LENG9: variants seen among roughly 807,000 people sequenced by gnomAD.
The protein encoded by LENG9 is leukocyte receptor cluster (LRC) member 9.
For missense variants in LENG9, 872 were observed against 652.7 expected (o/e 1.34, Z -3.66); for synonymous variants, 410 against 303.9 (o/e 1.35, Z -3.63).
Position 54,463,339 on chromosome 19 carries a change from G to T in LENG9, c.188C>A (p.Pro63Gln). Reference protein sequence around the residue: ...AQPEAGAKKPPLRTAADVIQR... With the variant: ...AQPEAGAKKPQLRTAADVIQR... Reference sequence around the variant, plus strand: ...GATGACGTCCGCGGCTGTGCGCAGCGGCGGCTTCTTGGCCCCGGCCTCCGG... The same window carrying T: ...GATGACGTCCGCGGCTGTGCGCAGCTGCGGCTTCTTGGCCCCGGCCTCCGG... The change falls in exon 1 of 1, where the codon CCG becomes CAG. Residue 63 changes from proline (P) to glutamine (Q), a missense_variant. Coordinates refer to ENST00000611161, the MANE Select transcript of LENG9 (RefSeq NM_001301782.2). The T allele has an allele frequency of 1.4e-6, 2 of 1,461,714 alleles. No homozygotes were observed. Among genetic ancestry groups the T allele is most frequent in the Non-Finnish European group, 9.0e-7 (1 of 1,109,708 alleles). The allele number at this position is 1,461,714 out of a possible 1,614,324, so 90.5% of individuals were successfully genotyped here. A position where few individuals can be genotyped will look rare whatever the true frequency, so the allele number is the denominator to read the frequency against.
chr19:54,462,988 G>A lies in LENG9; in HGVS notation c.539C>T (p.Thr180Ile), dbSNP rs1471850143. 5 of 1,603,798 alleles carry A rather than the reference G, an allele frequency of 3.1e-6. No homozygotes were observed. The highest frequency in any genetic ancestry group is 1.7e-5 in the Admixed American group (1 of 59,782). The change falls in exon 1 of 1, where the codon ACA (threonine) becomes ATA (isoleucine). Residue 180 changes from threonine to isoleucine, a missense_variant. By Grantham distance (89) the Thr-to-Ile change is moderately conservative. Coordinates refer to ENST00000611161, the MANE Select transcript of LENG9 (RefSeq NM_001301782.2). ...GGGGGCAGCCTGGGCCTCCTGACCTGTCCCCGCCAGTGTCCACTCGGCACC... is the reference window on the plus strand; with the variant it reads ...GGGGGCAGCCTGGGCCTCCTGACCTATCCCCGCCAGTGTCCACTCGGCACC... Reference protein sequence around the residue: ...AEGAEWTLAGTGQEAQAAPKR... With the variant: ...AEGAEWTLAGIGQEAQAAPKR...
chr19:54,462,369 A>G lies in LENG9; in HGVS notation c.1158T>C (p.His386=), dbSNP rs200250939. 44 of 1,612,414 alleles carry G rather than the reference A, an allele frequency of 2.7e-5. 1 individual carries two copies. The African/African-American group carries it at 3.2e-4, about 12-fold the overall frequency. Residue 386 remains histidine (H), a synonymous_variant, in exon 1 of 1, where the codon CAT becomes CAC. Coordinates refer to ENST00000611161, the MANE Select transcript of LENG9 (RefSeq NM_001301782.2). ...TGGGAGAGGGTGGGGCACACAGCAC[A>G]TGCGGGCCCAGGAGGACCAGCTTTC... is the stretch of plus-strand genomic sequence containing the variant. ...SFRKLVLLGP[H]VLCAPPSPTL...
Position 54,463,759 on chromosome 19 carries a change from G to C in LENG9, c.-233C>G. ...CCGGCTGCGCCCTCCCCCAGCGCCAGGAAAGCAAGCTGCGTAAAGGCTGCG... is the reference window on the plus strand; with the variant it reads ...CCGGCTGCGCCCTCCCCCAGCGCCACGAAAGCAAGCTGCGTAAAGGCTGCG... On this transcript the variant is annotated 5_prime_UTR_variant, in exon 1 of 1. Transcript: ENST00000611161. 2.0e-6 allele frequency: 1 copy of C among 490,192 alleles called. No individual in the cohort carries two copies. The highest frequency in any genetic ancestry group is 3.2e-6 in the Non-Finnish European group (1 of 311,978). The allele number at this position is 490,192 out of a possible 1,614,324, so 30.4% of individuals were successfully genotyped here.
At position 54,463,053 on chromosome 19, in the gene LENG9, G is replaced by A. The variant is rs1416567810; in HGVS notation, c.474C>T (p.Ile158=). The change falls in exon 1 of 1, where the codon ATC becomes ATT. Residue 158 remains isoleucine, a synonymous_variant. Transcript: ENST00000611161. ...CGCCCTCGGTGTTCGGTGCGTCCAG[G>A]ATGGTGGGCCCGCGTCCCGCCGCCG... ...SGSAAGRGPT[I]LDAPNTEGAH... The A allele has an allele frequency of 6.2e-7, 1 of 1,602,052 alleles. No individual in the cohort carries two copies. The highest frequency in any genetic ancestry group is 8.5e-7 in the Non-Finnish European group (1 of 1,179,184).
rs2084634014 is a variant in LENG9, at chr19:54,462,741, G to T, written c.786C>A (p.Val262=). The change falls in exon 1 of 1, where the codon GTC becomes GTA. Residue 262 remains valine (V), a synonymous_variant. Transcript: ENST00000611161. ...CTGTCGTCTCAGCGGAGCCCCCCGG[G>T]ACTCCCAGGGCCTGTGCTTCCTTGC... The part of the protein sequence containing the change: ...LGGKEAQALG[V]PGGSAETTEA... 1 of 1,611,006 alleles carries T rather than the reference G, an allele frequency of 6.2e-7. No individual in the cohort carries two copies.
Position 54,462,755 on chromosome 19 carries a change from G to T in LENG9, c.772C>A (p.Gln258Lys). The T allele has an allele frequency of 6.2e-7, 1 of 1,611,342 alleles. No homozygotes were observed. The highest frequency in any genetic ancestry group is 8.5e-7 in the Non-Finnish European group (1 of 1,179,984). ...RTTLLGGKEA[Q>K]ALGVPGGSAE... ...GAGCCCCCCGGGACTCCCAGGGCCT[G>T]TGCTTCCTTGCCCCCCAGCAATGTG... Residue 258 changes from glutamine to lysine, a missense_variant, in exon 1 of 1, where the codon CAG becomes AAG. Coordinates refer to ENST00000611161, the MANE Select transcript of LENG9 (RefSeq NM_001301782.2).
chr19:54,463,253 G>T lies in LENG9; in HGVS notation c.274C>A (p.Arg92Ser). Residue 92 changes from arginine (R) to serine (S), a missense_variant, in exon 1 of 1, where the codon CGC becomes AGC. Coordinates refer to ENST00000611161, the MANE Select transcript of LENG9 (RefSeq NM_001301782.2). ...PADFSVGYVD[R>S]FLGVREEPFS... ...GGCTCCTCGCGCACACCCAGAAAGC[G>T]GTCGACGTAGCCCACCGAGAAGTCG... The T allele has an allele frequency of 1.3e-6, 2 of 1,537,980 alleles. No individual in the cohort carries two copies. The highest frequency in any genetic ancestry group is 1.7e-6 in the Non-Finnish European group (2 of 1,147,966).
chr19:54,463,128 G>C lies in LENG9; in HGVS notation c.399C>G (p.Arg133=), dbSNP rs751728925. Residue 133 remains arginine (R), a synonymous_variant, in exon 1 of 1, where the codon CGC becomes CGG. Transcript: ENST00000611161. ...TGCGCGAGGCGCGGTCCCACACAAG[G>C]CGGCCACGGAAGCGGAAGAAGCGCA... ...HRVRFFRFRG[R]LVWDRASRTD... The C allele has an allele frequency of 1.1e-5, 17 of 1,599,212 alleles. No individual in the cohort carries two copies. The African/African-American group carries it at 2.0e-4, about 19-fold the overall frequency.
chr19:54,461,932 T>TTTCC lies in LENG9; in HGVS notation c.*154_*157dup, dbSNP rs988516292. On this transcript the variant is annotated 3_prime_UTR_variant, in exon 1 of 1. Transcript: ENST00000611161. ...TCCCCTTCCCCTCCTCTCCCCTCCT[T>TTTCC]TTCCTTCCTTCCTTCCTTTCCTTGG... The TTTCC allele has an allele frequency of 1.5e-5, 15 of 968,792 alleles. No individual in the cohort carries two copies. Among genetic ancestry groups the TTTCC allele is most frequent in the East Asian group, 7.2e-5 (3 of 41,804 alleles). The allele number at this position is 968,792 out of a possible 1,614,324, so 60.0% of individuals were successfully genotyped here. A position where few individuals can be genotyped will look rare whatever the true frequency, so the allele number is the denominator to read the frequency against.
At position 54,462,765 on chromosome 19, in the gene LENG9, G is replaced by GC. The variant is rs1569317304; in HGVS notation, c.761dup (p.Lys255GlnfsTer14). On this transcript the variant is annotated frameshift_variant, in exon 1 of 1. Transcript: ENST00000611161. LOFTEE classifies it low-confidence loss of function (END_TRUNC). Reference sequence around the variant, plus strand: ...GGACTCCCAGGGCCTGTGCTTCCTTGCCCCCCAGCAATGTGGTCCTGGTGG... The same window carrying GC: ...GGACTCCCAGGGCCTGTGCTTCCTTGCCCCCCCAGCAATGTGGTCCTGGTGG... 3.1e-6 allele frequency: 5 copies of GC among 1,610,990 alleles called. No individual in the cohort carries two copies. The highest frequency in any genetic ancestry group is 1.7e-5 in the Admixed American group (1 of 59,954).
rs1261201460 is a variant in LENG9 at position 54,463,700 on chromosome 19, G to T, written c.-174C>A. 5.3e-5 allele frequency: 46 copies of T among 866,050 alleles called. No homozygotes were observed. Among genetic ancestry groups the T allele is most frequent in the Non-Finnish European group, 6.6e-5 (43 of 648,794 alleles). The allele number at this position is 866,050 out of a possible 1,614,324, so 53.6% of individuals were successfully genotyped here. A position where few individuals can be genotyped will look rare whatever the true frequency, so the allele number is the denominator to read the frequency against. ...GAGGACTCTGGCCCAGTCCCTCCTTGGTGGAGAGCCTGACACCGCTGCTCT... is the reference window on the plus strand; with the variant it reads ...GAGGACTCTGGCCCAGTCCCTCCTTTGTGGAGAGCCTGACACCGCTGCTCT... On this transcript the variant is annotated 5_prime_UTR_variant, in exon 1 of 1. Transcript: ENST00000611161.
rs759240739 is a variant in LENG9 at position 54,462,210 on chromosome 19, G to C, written c.1317C>G (p.Pro439=). The part of the protein sequence containing the change: ...KVPHGSQVHL[P]KLEFTLSQEV... ...CCTGGCTGAGGGTGAACTCCAGCTT[G>C]GGGAGGTGGACCTGGGAACCATGGG... The change falls in exon 1 of 1, where the codon CCC becomes CCG. Residue 439 remains proline (P), a synonymous_variant. Transcript: ENST00000611161. 1 of 1,613,650 alleles carries C rather than the reference G, an allele frequency of 6.2e-7. No individual in the cohort carries two copies. Among genetic ancestry groups the C allele is most frequent in the Non-Finnish European group, 8.5e-7 (1 of 1,179,732 alleles).
chr19:54,463,313 G>A lies in LENG9; in HGVS notation c.214C>T (p.Gln72Ter). 6 of 1,526,456 alleles carry A rather than the reference G, an allele frequency of 3.9e-6. No individual in the cohort carries two copies. The highest frequency in any genetic ancestry group is 5.3e-6 in the Non-Finnish European group (6 of 1,142,352). 94.6% of individuals were successfully genotyped at this position (1,526,456 alleles called of 1,614,324 possible). A position where few individuals can be genotyped will look rare whatever the true frequency, so the allele number is the denominator to read the frequency against. Reference protein sequence around the residue: ...PPLRTAADVIQRIRWDPRLDP... With the variant: ...PPLRTAADVI ...AGGCGCGGGTCCCAGCGGATGCGCT[G>A]GATGACGTCCGCGGCTGTGCGCAGC... is the stretch of plus-strand genomic sequence containing the variant. Residue 72 changes from glutamine (Q) to a stop codon, truncating the protein, a stop_gained, in exon 1 of 1, where the codon CAG becomes TAG. Coordinates refer to ENST00000611161, the MANE Select transcript of LENG9 (RefSeq NM_001301782.2). LOFTEE classifies it low-confidence loss of function (END_TRUNC).
Position 54,462,351 on chromosome 19 carries a change from G to A in LENG9, c.1176C>T (p.Pro392=), listed in dbSNP as rs760838187. 2 of 1,610,606 alleles carry A rather than the reference G, an allele frequency of 1.2e-6. No homozygotes were observed. Among genetic ancestry groups the A allele is most frequent in the Non-Finnish European group, 1.7e-6 (2 of 1,177,738 alleles). Residue 392 remains proline (P), a synonymous_variant, in exon 1 of 1, where the codon CCC becomes CCT. Coordinates refer to ENST00000611161, the MANE Select transcript of LENG9 (RefSeq NM_001301782.2). ...GTGCCATGCTTTCCAGTGTGGGAGA[G>A]GGTGGGGCACACAGCACATGCGGGC... ...LLGPHVLCAP[P]SPTLESMAQV... is the part of the protein sequence containing the mutation.
Position 54,462,478 on chromosome 19 carries a change from G to C in LENG9, c.1049C>G (p.Ala350Gly). Residue 350 changes from alanine (A) to glycine (G), a missense_variant, in exon 1 of 1, where the codon GCT becomes GGT. Coordinates refer to ENST00000611161, the MANE Select transcript of LENG9 (RefSeq NM_001301782.2). ...TCCAATGGCAGCGGCCTCCTCCCCA[G>C]CGCCTGCCAGTCGCAGCAGGGCCAG... is the stretch of plus-strand genomic sequence containing the variant. ...LTLALLRLAG[A>G]GEEAAAIGAL... The C allele has an allele frequency of 6.2e-7, 1 of 1,613,446 alleles. No homozygotes were observed. The highest frequency in any genetic ancestry group is 1.3e-5 in the African/African-American group (1 of 75,070).
chr19:54,462,257 G>T lies in LENG9; in HGVS notation c.1270C>A (p.His424Asn), dbSNP rs746452404. The T allele has an allele frequency of 6.2e-7, 1 of 1,611,308 alleles. No homozygotes were observed. The highest frequency in any genetic ancestry group is 1.7e-5 in the Admixed American group (1 of 59,842). ...TLQSPGQLHP[H>N]LTVAKVPHGS... ...TGGGGCACCTTGGCCACGGTGAGGT[G>T]GGGGTGCAGCTGCCCTGGAGACTGT... Residue 424 changes from histidine (H) to asparagine (N), a missense_variant, in exon 1 of 1, where the codon CAC (histidine) becomes AAC (asparagine). Coordinates refer to ENST00000611161, the MANE Select transcript of LENG9 (RefSeq NM_001301782.2).
chr19:54,462,573 C>T lies in LENG9; in HGVS notation c.954G>A (p.Gln318=), dbSNP rs1487798209. The stretch of plus-strand genomic sequence containing the variant: ...GTGGGGCCACGTGGACCAGGTATTC[C>T]TGGGCCTTGGTCACTTCTGCTTGTA... ...PGLQAEVTKA[Q]EYLVHVAPHC... Residue 318 remains glutamine (Q), a synonymous_variant, in exon 1 of 1, where the codon CAG becomes CAA. Coordinates refer to ENST00000611161, the MANE Select transcript of LENG9 (RefSeq NM_001301782.2). 1 of 1,613,778 alleles carries T rather than the reference C, an allele frequency of 6.2e-7. No individual in the cohort carries two copies.
Position 54,462,766 on chromosome 19 carries a change from C to G in LENG9, c.761G>C (p.Gly254Ala). The change falls in exon 1 of 1, where the codon GGC (glycine) becomes GCC (alanine). Residue 254 changes from glycine to alanine, a missense_variant. Coordinates refer to ENST00000611161, the MANE Select transcript of LENG9 (RefSeq NM_001301782.2). ...TAATRTTLLG[G>A]KEAQALGVPG... Reference sequence around the variant, plus strand: ...GACTCCCAGGGCCTGTGCTTCCTTGCCCCCCAGCAATGTGGTCCTGGTGGC... The same window carrying G: ...GACTCCCAGGGCCTGTGCTTCCTTGGCCCCCAGCAATGTGGTCCTGGTGGC... The G allele has an allele frequency of 6.2e-7, 1 of 1,611,026 alleles. No homozygotes were observed. Among genetic ancestry groups the G allele is most frequent in the South Asian group, 1.1e-5 (1 of 91,054 alleles).
Position 54,462,312 on chromosome 19 carries a change from C to T in LENG9, c.1215G>A (p.Gln405=), listed in dbSNP as rs751182990. 2.7e-5 allele frequency: 43 copies of T among 1,603,424 alleles called. No individual in the cohort carries two copies. In the Admixed American group the frequency reaches 7.2e-4, roughly 27 times the overall value. The change falls in exon 1 of 1, where the codon CAG becomes CAA. Residue 405 remains glutamine (Q), a synonymous_variant. Transcript: ENST00000611161. ...TACTCAGCCCCTCGGCTTCCAGCCT[C>T]TGGCTCAGCACTTGTGCCATGCTTT... ...TLESMAQVLS[Q]RLEAEGLSTL...
Sources: allele counts gnomAD v4.1 joint callset, GRCh38; gene constraint gnomAD v4.1.1; transcripts MANE v1.5; gene names NCBI Gene and HGNC (gene_info 2026-07-23, HGNC 2026-07-21).